IBTK: variants seen among roughly 807,000 people sequenced by gnomAD.
IBTK encodes inhibitor of Bruton tyrosine kinase.
A neutral mutation model predicts 154.9 loss-of-function variants in IBTK; 83 were observed. That is an observed-to-expected ratio of 0.54 (90% confidence interval 0.45 to 0.64). The LOEUF (loss-of-function observed/expected upper bound fraction) is 0.64. IBTK is among the 30% of genes least tolerant of loss of function. IBTK has a pLI of 0.00. For synonymous variants in IBTK, 515 were observed against 536.1 expected, an observed-to-expected ratio of 0.96 and a Z score of 0.54; for missense variants, 1,332 against 1,584.6, an observed-to-expected ratio of 0.84 and a Z score of 2.71.
chr6:82,195,164 C>A (rs1404428965), intron 22 of IBTK, among the ~76,000 whole-genome samples: 4 of 152,112 alleles, frequency 2.6e-5, no homozygotes, highest in Non-Finnish European at 5.9e-5. Context: ...ATAGATTCTT[C>A]TGTTATTGTA....
In IBTK at chr6:82,240,472, C is replaced by T. The variant is rs111794573; in HGVS notation, c.15G>A (p.Met5Ile). Residue 5 changes from methionine (M) to isoleucine (I), a missense_variant, in exon 2 of 29, where the codon ATG becomes ATA. By Grantham distance (10) the Met-to-Ile change is conservative. Around this residue, in one of 3 missense-constraint regions of IBTK, gnomAD observed 84 missense variants for 96.2 expected, o/e 0.87. Coordinates refer to ENST00000306270, the MANE Select transcript of IBTK (RefSeq NM_015525.4). ...ATCGACACTTTGATGTGCAGTCAGG[C>T]ATGGGTGAACTCATCCTAACTGTTT... Reference protein sequence around the residue: MSSPMPDCTSKCRSL... With the variant: MSSPIPDCTSKCRSL... 1,550 of 1,612,498 alleles carry T rather than the reference C, an allele frequency of 9.6e-4. 14 individuals carry two copies. In the African/African-American group the frequency reaches 0.018, roughly 19 times the overall value.
intron 6 of IBTK, 50 bp downstream of exon 6, chr6:82,225,427 A>T (rs190632626): frequency 6.8e-7 from 1 of 1,465,536 alleles, no homozygotes; most frequent in Non-Finnish European, 9.3e-7. Flanking sequence ...TTGTTCATAC[A>T]GGTTTTATTG....
intron 9 of IBTK, among the ~76,000 whole-genome samples, chr6:82,219,896 G>A (rs1770028842): frequency 6.6e-6 from 1 of 151,812 alleles, no homozygotes; most frequent in Non-Finnish European, 1.5e-5. Context: ...TTATCATATT[G>A]CCTGATCTTT....
chr6:82,174,691 C>T (rs1389526802), intron 26 of IBTK, among the ~76,000 whole-genome samples: 1 of 152,058 alleles, frequency 6.6e-6, no homozygotes, highest in Non-Finnish European at 1.5e-5. Context: ...TACTAAAAGC[C>T]TAAGTACTTC....
At chr6:82,199,884 C>T (rs894679990) in intron 21 of IBTK, among the ~76,000 whole-genome samples, 1 of 152,136 alleles carries the variant, frequency 6.6e-6, no homozygotes, top group East Asian at 1.9e-4. Context: ...TACCTATCTG[C>T]CTCCTTTTCT....
chr6:82,196,243 A>G (rs1768981209), intron 22 of IBTK, 55 bp downstream of exon 22: 4 of 1,355,714 alleles, frequency 3.0e-6, no homozygotes, highest in Non-Finnish European at 4.0e-6. Context: ...TTAAAGATAA[A>G]CCATCTATAA....
At chr6:82,185,550 A>G (rs1377987715) in intron 25 of IBTK, among the ~76,000 whole-genome samples, 1 of 150,192 alleles carries the variant, frequency 6.7e-6, no homozygotes. Flanking sequence ...AAAAGTTCCA[A>G]TTTTTTCTTT....
In IBTK at chr6:82,178,267, T is replaced by G. The variant is rs112640117; in HGVS notation, c.3725+3612A>C. On this transcript the variant is annotated intron_variant, in intron 26 of 28. Transcript: ENST00000306270. ...GCAGTATAACAGGGCACACTTATAA[T>G]TAAGAGCCCTGATGTTATAGCACAC... 5.5e-3 allele frequency among the ~76,000 whole-genome samples: 832 copies of G among 152,314 alleles called. 9 individuals are homozygous for G. Among genetic ancestry groups the G allele is most frequent in the African/African-American group, 0.019 (797 of 41,566 alleles).
chr6:82,217,810 C>G, intron 10 of IBTK, 150 bp downstream of exon 10: 1 of 489,266 alleles, frequency 2.0e-6, no homozygotes, highest in Non-Finnish European at 3.5e-6. Flanking sequence ...TAACCTTACA[C>G]TCTAATAGGA....
At position 82,219,551 on chromosome 6, in the gene IBTK, A is replaced by G. The variant is rs146533613; in HGVS notation, c.1248+1039T>C. Reference sequence around the variant, plus strand: ...AATATAATTTTTAAAATCTAAATATATTATTTAGAGATGGCTCCCACCCTC... The same window carrying G: ...AATATAATTTTTAAAATCTAAATATGTTATTTAGAGATGGCTCCCACCCTC... On this transcript the variant is annotated intron_variant, in intron 9 of 28. Coordinates refer to ENST00000306270, the MANE Select transcript of IBTK (RefSeq NM_015525.4). Among the ~76,000 whole-genome samples, 7 of 151,744 alleles carry G rather than the reference A, an allele frequency of 4.6e-5. No individual in the cohort carries two copies. The East Asian group carries it at 1.4e-3, about 29-fold the overall frequency.
At chr6:82,176,235 C>A (rs1472437861) in intron 26 of IBTK, among the ~76,000 whole-genome samples, 1 of 151,454 alleles carries the variant, frequency 6.6e-6, no homozygotes, top group African/African-American at 2.4e-5. Context: ...ATTAGAAACA[C>A]AAGCTCAGCT....
At chr6:82,233,098 G>A (rs1484051358) in intron 3 of IBTK, among the ~76,000 whole-genome samples, 12 of 151,110 alleles carry the variant, frequency 7.9e-5, no homozygotes, top group Admixed American at 7.9e-4. Context: ...CGGAGGTTGC[G>A]GTGAGCCAAG....
At chr6:82,236,741 A>T (rs11965451) in intron 2 of IBTK, among the ~76,000 whole-genome samples, 2 of 152,222 alleles carry the variant, frequency 1.3e-5, no homozygotes, top group African/African-American at 4.8e-5. Flanking sequence ...ATAATCCATA[A>T]TACCTGAAGT....
chr6:82,200,629 T>A lies in IBTK; in HGVS notation c.2870A>T (p.Asp957Val). The A allele has an allele frequency of 6.3e-7, 1 of 1,589,292 alleles. No individual in the cohort carries two copies. Among genetic ancestry groups the A allele is most frequent in the Non-Finnish European group, 8.6e-7 (1 of 1,167,704 alleles). The change falls in exon 20 of 29, where the codon GAT (aspartate) becomes GTT (valine). Residue 957 changes from aspartate (D) to valine (V), a missense_variant. This residue lies in a region of IBTK where 1,134 missense variants were observed against 1,274.7 expected (regional missense o/e 0.89). Coordinates refer to ENST00000306270, the MANE Select transcript of IBTK (RefSeq NM_015525.4). ...ATTTATTTCTTCTTTCAAGAAGATA[T>A]CTCCATCTTCTACTTCCAAATAGCT... ...DISYLEVEDG[D>V]IFLKEEINME...
chr6:82,182,076 G>A (rs1286933322), intron 25 of IBTK, 48 bp from the exon 26 acceptor site: 4 of 1,545,776 alleles, frequency 2.6e-6, no homozygotes, highest in Non-Finnish European at 3.5e-6. Flanking sequence ...TTTGTAAAAG[G>A]GCATTGCTGG....
chr6:82,210,162 A>G (rs1769575893), intron 16 of IBTK, among the ~76,000 whole-genome samples: 1 of 152,180 alleles, frequency 6.6e-6, no homozygotes, highest in Non-Finnish European at 1.5e-5. Flanking sequence ...ACAATTTTTA[A>G]TCTGTTTCTT....
intron 26 of IBTK, among the ~76,000 whole-genome samples, chr6:82,174,363 A>G (rs1310750900): frequency 1.3e-5 from 2 of 152,286 alleles, no homozygotes; most frequent in African/African-American, 2.4e-5. Flanking sequence ...AAAACAATGT[A>G]TAAAGTACTA....
At chr6:82,202,422 C>T in intron 18 of IBTK, 106 bp downstream of exon 18, 2 of 702,428 alleles carry the variant, frequency 2.8e-6, no homozygotes, top group East Asian at 2.8e-5. Flanking sequence ...AAATTCTTTC[C>T]ATCCAGGTAA....
At chr6:82,208,505 G>A (rs197239) in intron 16 of IBTK, among the ~76,000 whole-genome samples, 2,130 of 152,248 alleles carry the variant, frequency 0.014, 27 homozygotes, top group South Asian at 0.045. Flanking sequence ...ACTTTGGGAG[G>A]CTGAGGCAGG....
Sources: allele counts gnomAD v4.1 joint callset (sites outside exome capture counted in the v4.1 genomes callset), GRCh38; gene constraint gnomAD v4.1.1; regional missense constraint gnomAD v4.1.1; transcripts MANE v1.5; gene names NCBI Gene and HGNC (gene_info 2026-07-23, HGNC 2026-07-21).